SH3TC1: variants seen among roughly 807,000 people sequenced by gnomAD.
SH3TC1 encodes the protein SH3 domain and tetratricopeptide repeats 1, also known as SH3 domain and tetratricopeptide repeat-containing protein 1.
A neutral mutation model predicts 117.3 loss-of-function variants in SH3TC1; 135 were observed. That is an observed-to-expected ratio of 1.15 (90% CI 1.00 to 1.33). The LOEUF (loss-of-function observed/expected upper bound fraction) is 1.33. Ranked by LOEUF, SH3TC1 falls within the 40% of genes most tolerant of loss-of-function variation. The pLI is 0.00. For synonymous variants in SH3TC1, 898 were observed against 816.9 expected (o/e 1.10, Z -1.69); for missense variants, 2,092 against 1,794.3 (o/e 1.17, Z -3.00).
At chr4:8,208,887 G>A (rs1158078701) in intron 2 of SH3TC1, among the ~76,000 whole-genome samples, 1 of 152,246 alleles carries the variant, frequency 6.6e-6, no homozygotes. Flanking sequence ...TGTGAAGACC[G>A]GCCACACAGA....
upstream of SH3TC1, among the ~76,000 whole-genome samples, chr4:8,197,916 G>A (rs534102846): frequency 6.6e-6 from 1 of 152,296 alleles, no homozygotes; most frequent in East Asian, 1.9e-4. Flanking sequence ...AAGGACGCAG[G>A]TGTGGGCTGG....
At position 8,228,641 on chromosome 4, in the gene SH3TC1, G is replaced by A. The variant is rs1199160324; in HGVS notation, c.2947G>A (p.Glu983Lys). The change falls in exon 12 of 18, where the codon GAG becomes AAG. Residue 983 changes from glutamate (E) to lysine (K), a missense_variant. Coordinates refer to ENST00000245105, the MANE Select transcript of SH3TC1 (RefSeq NM_018986.5). ...LLVAVEMGHV[E>K]SQLRAVQRLC... Reference sequence around the variant, plus strand: ...GGTCGCCGTGGAGATGGGCCACGTGGAGAGTGAGTGCCCCAGTTCCTTCTG... The same window carrying A: ...GGTCGCCGTGGAGATGGGCCACGTGAAGAGTGAGTGCCCCAGTTCCTTCTG... The A allele has an allele frequency of 2.0e-6, 3 of 1,492,540 alleles. No individual in the cohort carries two copies. The highest frequency in any genetic ancestry group is 4.5e-5 in the Admixed American group (2 of 44,858). The allele number at this position is 1,492,540 out of a possible 1,614,324, so 92.5% of individuals were successfully genotyped here. A position where few individuals can be genotyped will look rare whatever the true frequency, so the allele number is the denominator to read the frequency against.
chr4:8,240,454 G>C (rs569521002), intron 17 of SH3TC1, among the ~76,000 whole-genome samples: 1 of 152,256 alleles, frequency 6.6e-6, no homozygotes, highest in African/African-American at 2.4e-5. Context: ...TGCCTGCAGA[G>C]AGGGTGGGGC....
Position 8,227,686 on chromosome 4 carries a change from G to C in SH3TC1, c.1992G>C (p.Glu664Asp), listed in dbSNP as rs765485104. 1.5e-5 allele frequency: 23 copies of C among 1,547,782 alleles called. No homozygotes were observed. The highest frequency in any genetic ancestry group is 2.0e-5 in the Non-Finnish European group (23 of 1,146,334). The change falls in exon 12 of 18, where the codon GAG (glutamate) becomes GAC (aspartate). Residue 664 changes from glutamate (E) to aspartate (D), a missense_variant. Glu to Asp is a conservative substitution (Grantham distance 45). Coordinates refer to ENST00000245105, the MANE Select transcript of SH3TC1 (RefSeq NM_018986.5). ...RAVGGQSLQAEARACFLLARH... is the reference protein window; with the variant it reads ...RAVGGQSLQADARACFLLARH... The stretch of plus-strand genomic sequence containing the variant: ...TGGGTGGCCAGAGCCTGCAGGCCGA[G>C]GCCCGGGCCTGCTTCCTGCTGGCCA...
intron 8 of SH3TC1, 32 bp downstream of exon 8, chr4:8,218,379 G>A (rs750171531): frequency 6.5e-7 from 1 of 1,549,472 alleles, no homozygotes; most frequent in Admixed American, 1.7e-5. Context: ...TCTTTTTTGG[G>A]GAAATGTGTG....
intron 6 of SH3TC1, 44 bp downstream of exon 6, chr4:8,216,301 G>T (rs1431372659): frequency 6.3e-7 from 1 of 1,589,738 alleles, no homozygotes; most frequent in Non-Finnish European, 8.6e-7. Context: ...GCTGTGCGGG[G>T]CACTCCCGGG....
rs897214221 is a variant in SH3TC1, at chr4:8,190,209, C to T, written c.-57+7999C>T. ...CAGGAATCCCCCTTGGAGCCCTCCTCCCCTCTGCCTGCTGTGACCTCAGCC... is the reference window on the plus strand; with the variant it reads ...CAGGAATCCCCCTTGGAGCCCTCCTTCCCTCTGCCTGCTGTGACCTCAGCC... On this transcript the variant is annotated intron_variant, in intron 1 of 16. Coordinates refer to the SH3TC1 transcript ENST00000508641. The surrounding 1 kb of genome is among the most constrained non-coding windows in gnomAD (Gnocchi z 4.7). Among the ~76,000 whole-genome samples, 1 of 152,200 alleles carries T rather than the reference C, an allele frequency of 6.6e-6. No individual in the cohort carries two copies.
intron 17 of SH3TC1, among the ~76,000 whole-genome samples, chr4:8,239,467 C>CA (rs1165207151): frequency 6.6e-6 from 1 of 150,494 alleles, no homozygotes; most frequent in East Asian, 1.9e-4. Context: ...TGCACACAGG[C>CA]ATATGCACAC....
chr4:8,219,017 G>C (rs2152987172), intron 8 of SH3TC1, among the ~76,000 whole-genome samples: 1 of 152,352 alleles, frequency 6.6e-6, no homozygotes, highest in Non-Finnish European at 1.5e-5. Flanking sequence ...GCCGGGTGGG[G>C]AGTAGGTGGG....
At chr4:8,188,568 G>A (rs983412466) in intron 1 of SH3TC1, among the ~76,000 whole-genome samples, 5 of 152,356 alleles carry the variant, frequency 3.3e-5, no homozygotes, top group Non-Finnish European at 5.9e-5. Flanking sequence ...GGCCAGTGGG[G>A]GAGTTTCCCG....
chr4:8,222,876 GTCATTCTT>G lies in SH3TC1; in HGVS notation c.1150_1157del (p.Ser384GlnfsTer7), dbSNP rs907939023. 3 of 1,613,662 alleles carry G rather than the reference GTCATTCTT, an allele frequency of 1.9e-6. No homozygotes were observed. The African/African-American group carries it at 4.0e-5, about 22-fold the overall frequency. ...CGATTTTTCTCAATGAGGAAGAAAA[GTCATTCTT>G]CAGCGAGGGCTGCTTTTCTGAGGAG... On this transcript the variant is annotated frameshift_variant, in exon 10 of 18. Transcript: ENST00000245105. LOFTEE classifies it high-confidence loss of function.
chr4:8,191,506 G>A (rs1717414499), intron 1 of SH3TC1, among the ~76,000 whole-genome samples: 1 of 152,222 alleles, frequency 6.6e-6, no homozygotes, highest in African/African-American at 2.4e-5. Flanking sequence ...TCTGATCAGG[G>A]GCCGGTTTCA....
chr4:8,211,014 T>A (rs889980419), intron 3 of SH3TC1, among the ~76,000 whole-genome samples: 1 of 150,954 alleles, frequency 6.6e-6, no homozygotes, highest in African/African-American at 2.4e-5. Flanking sequence ...TCCCTCCCAT[T>A]TTCTCCCCTC....
Position 8,228,282 on chromosome 4 carries a change from G to T in SH3TC1, c.2588G>T (p.Gly863Val), listed in dbSNP as rs760039728. 1 of 1,612,372 alleles carries T rather than the reference G, an allele frequency of 6.2e-7. No homozygotes were observed. The highest frequency in any genetic ancestry group is 1.7e-5 in the Admixed American group (1 of 60,018). Residue 863 changes from glycine (G) to valine (V), a missense_variant, in exon 12 of 18, where the codon GGC (glycine) becomes GTC (valine). Coordinates refer to ENST00000245105, the MANE Select transcript of SH3TC1 (RefSeq NM_018986.5). ...DAVVASEDQE[G>V]VIANMVAVAL... ...GTGGTGGCCAGCGAGGACCAGGAGG[G>T]CGTGATTGCCAACATGGTGGCCGTG...
chr4:8,227,129 GA>G lies in SH3TC1; in HGVS notation c.1436del (p.Asp479AlafsTer21), dbSNP rs766293877. The G allele has an allele frequency of 3.3e-5, 54 of 1,612,314 alleles. No individual in the cohort carries two copies. Among genetic ancestry groups the G allele is most frequent in the Middle Eastern group, 3.3e-4 (2 of 6,058 alleles). On this transcript the variant is annotated frameshift_variant, in exon 12 of 18. Transcript: ENST00000245105. LOFTEE classifies it high-confidence loss of function. ...GGCATCCAGCGACGTGAGCTTGCAG[GA>G]CCCCGAGGAGCCCTCCTTCTGCTTG... is the stretch of plus-strand genomic sequence containing the variant. ...CAASSDVSLQ[D>X]PEEPSFCLEA...
At chr4:8,237,173 G>A (rs112465028) in intron 16 of SH3TC1, 293 of 350,510 alleles carry the variant, frequency 8.4e-4, no homozygotes, top group African/African-American at 4.9e-3. Context: ...GCCCAGGAGC[G>A]CGTGGGCTGC....
chr4:8,232,979 T>TAAGC, intron 13 of SH3TC1: 1 of 1,196,060 alleles, frequency 8.4e-7, no homozygotes, highest in Non-Finnish European at 1.1e-6. Context: ...GCCAGCAAGC[T>TAAGC]ATATGGACAG....
intron 13 of SH3TC1, chr4:8,232,431 AG>A (rs1190577678): frequency 6.5e-7 from 1 of 1,540,060 alleles, no homozygotes; most frequent in Non-Finnish European, 8.8e-7. Flanking sequence ...CAGCAGAAGC[AG>A]TTACATGCAT....
rs1346037446 is a variant in SH3TC1, at chr4:8,186,476, T to A, written c.-57+4266T>A. On this transcript the variant is annotated intron_variant, in intron 1 of 16. Coordinates refer to the SH3TC1 transcript ENST00000508641. The surrounding 1 kb of genome is among the most constrained non-coding windows in gnomAD (Gnocchi z 5.2). Reference sequence around the variant, plus strand: ...TAAGGAAGTCGAGTCGAGTGTGAATTGTGAGTAAAAATAGCAGGTCCACGT... The same window carrying A: ...TAAGGAAGTCGAGTCGAGTGTGAATAGTGAGTAAAAATAGCAGGTCCACGT... Among the ~76,000 whole-genome samples, 1 of 152,116 alleles carries A rather than the reference T, an allele frequency of 6.6e-6. No homozygotes were observed. The highest frequency in any genetic ancestry group is 1.5e-5 in the Non-Finnish European group (1 of 68,022).
Sources: gnomAD v4.1 joint callset for allele counts (sites outside exome capture counted in the v4.1 genomes callset) on GRCh38, gnomAD v4.1.1 for gene constraint, Gnocchi (gnomAD v3.1) non-coding constraint, MANE v1.5 for transcripts, NCBI Gene and HGNC (gene_info 2026-07-23, HGNC 2026-07-21) for gene names.